HHIP: variants seen among roughly 807,000 people sequenced by gnomAD.
HHIP encodes hedgehog interacting protein.
A neutral mutation model predicts 74.0 loss-of-function variants in HHIP; 12 were observed. That is an observed-to-expected ratio of 0.16 (90% confidence interval 0.10 to 0.26). The LOEUF (loss-of-function observed/expected upper bound fraction) is 0.26. Among genes scored for constraint, HHIP ranks in the 10% least tolerant of loss-of-function variants. The probability of loss-of-function intolerance (pLI) is 1.00; values close to 1 mark genes in which losing one functional copy is unlikely to be tolerated. For synonymous variants in HHIP, 309 were observed against 311.6 expected, an observed-to-expected ratio of 0.99 and a Z score of 0.09; for missense variants, 788 against 845.0, an observed-to-expected ratio of 0.93 and a Z score of 0.84.
Position 144,740,848 on chromosome 4 carries a change from T to C in HHIP, c.*2891T>C, listed in dbSNP as rs1052095371. On this transcript the variant is annotated 3_prime_UTR_variant, in exon 13 of 13. Coordinates refer to ENST00000296575, the MANE Select transcript of HHIP (RefSeq NM_022475.3). The stretch of plus-strand genomic sequence containing the variant: ...TGAAAAAGAAAAATGTATATTATTA[T>C]TCCCTTGTCCATTCTCAAGTTTAAG... 1.3e-5 allele frequency: 2 copies of C among 152,212 alleles called. No individual in the cohort carries two copies. Among genetic ancestry groups the C allele is most frequent in the Non-Finnish European group, 2.9e-5 (2 of 68,036 alleles). The allele number at this position is 152,212 out of a possible 1,614,324, so 9.4% of individuals were successfully genotyped here. A position where few individuals can be genotyped will look rare whatever the true frequency, so the allele number is the denominator to read the frequency against.
chr4:144,654,989 A>C (rs1456293232), intron 2 of HHIP: 1 of 152,228 alleles, frequency 6.6e-6, no homozygotes. Context: ...AAATGATTCC[A>C]GAGACATCTT....
chr4:144,732,095 G>GA (rs1342869161), intron 11 of HHIP, among the ~76,000 whole-genome samples: 16 of 152,042 alleles, frequency 1.1e-4, no homozygotes, highest in Admixed American at 9.8e-4. Flanking sequence ...GTGAAGAAGG[G>GA]AAAAAAATAG....
chr4:144,692,193 T>TA (rs892942480), intron 4 of HHIP, among the ~76,000 whole-genome samples: 29 of 150,522 alleles, frequency 1.9e-4, no homozygotes, highest in East Asian at 3.9e-4. Context: ...GCCTTTACAA[T>TA]AAAAAAAAAG....
At chr4:144,715,643 A>T (rs1402678619) in intron 10 of HHIP, 1 of 336,938 alleles carries the variant, frequency 3.0e-6, no homozygotes, top group African/African-American at 2.1e-5. Context: ...TTATTTTCAC[A>T]CTAGAAATAC....
intron 4 of HHIP, among the ~76,000 whole-genome samples, chr4:144,673,789 T>C (rs1729105834): frequency 6.6e-6 from 1 of 152,212 alleles, no homozygotes; most frequent in African/African-American, 2.4e-5. Flanking sequence ...CTCTCAAAAG[T>C]AGAATAATCC....
Position 144,706,562 on chromosome 4 carries a change from C to T in HHIP, c.863C>T (p.Ala288Val). ...GGDERGLLSL[A>V]FHPNYKKNGK... ...GATGAAAGAGGACTGCTAAGCCTCGCATTCCATCCCAATTACAAGAAAAAT... is the reference window on the plus strand; with the variant it reads ...GATGAAAGAGGACTGCTAAGCCTCGTATTCCATCCCAATTACAAGAAAAAT... The change falls in exon 5 of 13, where the codon GCA becomes GTA. Residue 288 changes from alanine (A) to valine (V), a missense_variant. Ala to Val is a moderately conservative substitution (Grantham distance 64, BLOSUM62 0). Transcript: ENST00000296575. 6.2e-7 allele frequency: 1 copy of T among 1,612,508 alleles called. No individual in the cohort carries two copies.
chr4:144,655,753 C>CTCTTT (rs3041434), intron 2 of HHIP, among the ~76,000 whole-genome samples: 6 of 151,086 alleles, frequency 4.0e-5, no homozygotes, highest in South Asian at 2.1e-4. Flanking sequence ...GAGTCAGTAA[C>CTCTTT]TTTTTTTTCC....
In HHIP at chr4:144,738,649, A is replaced by G. The variant is rs1013033286; in HGVS notation, c.*692A>G. ...CCTAAAAGGTCTGCTTTTATTGTAT[A>G]TTTTATTTAACAATAGGCACTGGGT... On this transcript the variant is annotated 3_prime_UTR_variant, in exon 13 of 13. Coordinates refer to ENST00000296575, the MANE Select transcript of HHIP (RefSeq NM_022475.3). 8.7e-6 allele frequency: 6 copies of G among 690,672 alleles called. No homozygotes were observed. The highest frequency in any genetic ancestry group is 1.1e-5 in the Non-Finnish European group (6 of 561,024). The allele number at this position is 690,672 out of a possible 1,614,324, so 42.8% of individuals were successfully genotyped here.
At chr4:144,720,175 G>A (rs1357388221) in intron 11 of HHIP, among the ~76,000 whole-genome samples, 1 of 151,988 alleles carries the variant, frequency 6.6e-6, no homozygotes, top group African/African-American at 2.4e-5. Context: ...TTCCACAAGT[G>A]TGAAATTAAT....
chr4:144,730,770 T>C (rs1355435258), intron 11 of HHIP, among the ~76,000 whole-genome samples: 1 of 152,190 alleles, frequency 6.6e-6, no homozygotes, highest in Non-Finnish European at 1.5e-5. Flanking sequence ...TTTTTGTTTC[T>C]CTTTATTTCA....
At chr4:144,679,080 C>A (rs114683377) in intron 4 of HHIP, among the ~76,000 whole-genome samples, 5 of 152,046 alleles carry the variant, frequency 3.3e-5, no homozygotes, top group Non-Finnish European at 2.9e-5. Context: ...TTCTAACTGG[C>A]GTGAGATGAT....
intron 4 of HHIP, among the ~76,000 whole-genome samples, chr4:144,684,232 A>ATTTGTTT (rs1729420747): frequency 1.6e-5 from 1 of 62,928 alleles, no homozygotes; most frequent in Non-Finnish European, 3.1e-5. Flanking sequence ...AAAAAAAAGA[A>ATTTGTTT]TTTTTTTTTT....
In HHIP at chr4:144,738,048, C is replaced by A; in HGVS notation, c.*91C>A. On this transcript the variant is annotated 3_prime_UTR_variant, in exon 13 of 13. Coordinates refer to ENST00000296575, the MANE Select transcript of HHIP (RefSeq NM_022475.3). ...AAAGACTGTTATCCTGCTACACACT[C>A]CTGTGATTTCATTCTCTTTTATTAA... 1 of 1,411,940 alleles carries A rather than the reference C, an allele frequency of 7.1e-7. No homozygotes were observed. The highest frequency in any genetic ancestry group is 1.8e-5 in the South Asian group (1 of 56,048). The allele number at this position is 1,411,940 out of a possible 1,614,324, so 87.5% of individuals were successfully genotyped here. A position where few individuals can be genotyped will look rare whatever the true frequency, so the allele number is the denominator to read the frequency against.
At chr4:144,711,386 A>G (rs893566423) in intron 7 of HHIP, among the ~76,000 whole-genome samples, 1 of 152,088 alleles carries the variant, frequency 6.6e-6, no homozygotes, top group Admixed American at 6.6e-5. Context: ...GGTTTCTTAC[A>G]TAGGTTTACA....
chr4:144,700,767 G>A (rs1729955860), intron 4 of HHIP, among the ~76,000 whole-genome samples: 2 of 152,146 alleles, frequency 1.3e-5, no homozygotes, highest in African/African-American at 4.8e-5. Flanking sequence ...ATTATAACCT[G>A]TGAGACCCAT....
At chr4:144,654,153 C>A (rs1486830480) in intron 2 of HHIP, among the ~76,000 whole-genome samples, 1 of 152,102 alleles carries the variant, frequency 6.6e-6, no homozygotes, top group Non-Finnish European at 1.5e-5. Context: ...GGGGACTTAA[C>A]TGTGGGGGTC....
chr4:144,682,150 G>A (rs1274742859), intron 4 of HHIP, among the ~76,000 whole-genome samples: 1 of 152,206 alleles, frequency 6.6e-6, no homozygotes, highest in African/African-American at 2.4e-5. Context: ...TAGAAATATG[G>A]GGGACATAGA....
intron 4 of HHIP, among the ~76,000 whole-genome samples, chr4:144,667,574 G>A (rs1179738073): frequency 6.6e-6 from 1 of 152,082 alleles, no homozygotes; most frequent in African/African-American, 2.4e-5. Flanking sequence ...CATCAACTTT[G>A]GACATTAATT....
intron 10 of HHIP, among the ~76,000 whole-genome samples, chr4:144,716,724 C>T (rs1178909824): frequency 1.3e-5 from 2 of 151,832 alleles, no homozygotes; most frequent in Non-Finnish European, 2.9e-5. Context: ...TGGCAGGCCC[C>T]TGTAATCACA....
Sources: allele counts gnomAD v4.1 joint callset (sites outside exome capture counted in the v4.1 genomes callset), GRCh38; gene constraint gnomAD v4.1.1; transcripts MANE v1.5; gene names NCBI Gene and HGNC (gene_info 2026-07-23, HGNC 2026-07-21).